The following CMTM8 variants were observed in gnomAD, a reference collection of about 807,000 sequenced individuals.
The protein encoded by CMTM8 is CKLF like MARVEL transmembrane domain containing 8.
In CMTM8, 12 loss-of-function variants were observed where a neutral mutation model predicts 18.6. The observed-to-expected ratio is 0.65, with a 90% CI of 0.41 to 1.05. CMTM8 has a LOEUF of 1.05. CMTM8 is among the 50% of genes least tolerant of loss of function. The probability of loss-of-function intolerance (pLI) is 0.00; values close to 1 mark genes in which losing one functional copy is unlikely to be tolerated. For synonymous variants in CMTM8, 87 were observed against 90.6 expected (o/e 0.96, Z 0.23); for missense variants, 217 against 227.2 (o/e 0.95, Z 0.29).
chr3:32,353,304 T>C (rs1213600525), intron 1 of CMTM8, among the ~76,000 whole-genome samples: 3 of 152,200 alleles, frequency 2.0e-5, no homozygotes, highest in Admixed American at 2.0e-4. Context: ...AGTAAATTAG[T>C]ACAAGCTTTT....
intron 1 of CMTM8, 148 bp from the exon 2 acceptor site, chr3:32,357,225 C>T (rs1261589203): frequency 3.7e-5 from 26 of 707,816 alleles, no homozygotes; most frequent in South Asian, 4.0e-5. Context: ...GCCTGGGCGA[C>T]GGGAGCGAGA....
intron 1 of CMTM8, among the ~76,000 whole-genome samples, chr3:32,281,947 T>G (rs1702615826): frequency 6.6e-6 from 1 of 152,148 alleles, no homozygotes; most frequent in Non-Finnish European, 1.5e-5. Context: ...TCCCCAACTG[T>G]AAATACAAGA....
intron 1 of CMTM8, among the ~76,000 whole-genome samples, chr3:32,341,876 A>G (rs1213681981): frequency 6.6e-6 from 1 of 151,634 alleles, no homozygotes; most frequent in Non-Finnish European, 1.5e-5. Flanking sequence ...CTCTGTCTCA[A>G]AAAAAATAAA....
intron 1 of CMTM8, among the ~76,000 whole-genome samples, chr3:32,305,593 C>G (rs1048050644): frequency 6.6e-6 from 1 of 152,160 alleles, no homozygotes; most frequent in Non-Finnish European, 1.5e-5. Flanking sequence ...TATTCATCTA[C>G]GAGCCTTAAT....
intron 1 of CMTM8, among the ~76,000 whole-genome samples, chr3:32,249,657 T>G (rs2125530469): frequency 6.6e-6 from 1 of 152,336 alleles, no homozygotes; most frequent in South Asian, 2.1e-4. Context: ...CTTCATGTGC[T>G]TAGTGGTCAT....
chr3:32,258,645 G>T (rs1702207237), intron 1 of CMTM8, among the ~76,000 whole-genome samples: 1 of 152,220 alleles, frequency 6.6e-6, no homozygotes, highest in East Asian at 1.9e-4. Context: ...GAGTAGCTGG[G>T]ACTACAGGCA....
intron 1 of CMTM8, among the ~76,000 whole-genome samples, chr3:32,338,069 C>T (rs766400746): frequency 3.3e-5 from 5 of 151,158 alleles, no homozygotes; most frequent in Non-Finnish European, 5.9e-5. Flanking sequence ...CTGCAACCTC[C>T]GCCTCCCAGG....
upstream of CMTM8, chr3:32,238,614 C>A (rs1256581816): frequency 6.0e-6 from 1 of 167,090 alleles, no homozygotes; most frequent in African/African-American, 2.4e-5. Context: ...GCGGCGCCTC[C>A]GCGGGGCGGT....
At chr3:32,327,767 C>T (rs907352001) in intron 1 of CMTM8, among the ~76,000 whole-genome samples, 4 of 152,194 alleles carry the variant, frequency 2.6e-5, no homozygotes, top group African/African-American at 9.7e-5. Context: ...TGCCTGCACC[C>T]TCTTCAGTAT....
chr3:32,273,837 T>C (rs1702477643), intron 1 of CMTM8, among the ~76,000 whole-genome samples: 1 of 152,162 alleles, frequency 6.6e-6, no homozygotes, highest in Non-Finnish European at 1.5e-5. Flanking sequence ...AATTTTATGA[T>C]GTATGCATTA....
Position 32,370,158 on chromosome 3 carries a change from A to G in CMTM8, c.*191A>G. 1 of 341,354 alleles carries G rather than the reference A, an allele frequency of 2.9e-6. No individual in the cohort carries two copies. The highest frequency in any genetic ancestry group is 5.4e-6 in the Non-Finnish European group (1 of 184,496). 21.1% of individuals were successfully genotyped at this position (341,354 alleles called of 1,614,324 possible). Reference sequence around the variant, plus strand: ...TATTTGCAAAGTGTTGTAGCTTATAATGAACTCTTAAGTATCTTATTAATG... The same window carrying G: ...TATTTGCAAAGTGTTGTAGCTTATAGTGAACTCTTAAGTATCTTATTAATG... On this transcript the variant is annotated 3_prime_UTR_variant, in exon 4 of 4. Transcript: ENST00000307526.
chr3:32,368,093 A>G, intron 3 of CMTM8, 105 bp downstream of exon 3: 1 of 789,512 alleles, frequency 1.3e-6, no homozygotes. Context: ...CGCTTGCAGT[A>G]GTGACAAATT....
intron 1 of CMTM8, among the ~76,000 whole-genome samples, chr3:32,245,040 T>G (rs1701991950): frequency 6.6e-6 from 1 of 152,242 alleles, no homozygotes; most frequent in Non-Finnish European, 1.5e-5. Context: ...TGTTCATGTT[T>G]TAATATCTGA....
intron 1 of CMTM8, among the ~76,000 whole-genome samples, chr3:32,308,795 A>G (rs1201689110): frequency 1.1e-4 from 17 of 152,252 alleles, no homozygotes; most frequent in Admixed American, 1.1e-3. Context: ...TATATTATCC[A>G]TTAGATCCTA....
chr3:32,261,499 A>G (rs909006474), intron 1 of CMTM8, among the ~76,000 whole-genome samples: 2 of 152,228 alleles, frequency 1.3e-5, no homozygotes, highest in Non-Finnish European at 2.9e-5. Context: ...TATTCACCCC[A>G]TAGAGAGGGT....
intron 1 of CMTM8, among the ~76,000 whole-genome samples, chr3:32,239,790 GAA>G (rs1207253252): frequency 1.3e-5 from 2 of 152,190 alleles, no homozygotes; most frequent in Non-Finnish European, 2.9e-5. Context: ...TCATAGCTGA[GAA>G]AGGACTGGAG....
At chr3:32,360,473 G>A (rs7617800) in intron 2 of CMTM8, among the ~76,000 whole-genome samples, 139,302 of 152,308 alleles carry the variant, frequency 0.91, 64,254 homozygotes, top group South Asian at 0.97. Context: ...TGTGAGTTGG[G>A]TACATGGTGT....
rs1217615223 is a variant in CMTM8, at chr3:32,358,066, A to G, written c.321+520A>G. On this transcript the variant is annotated intron_variant, in intron 2 of 3. Transcript: ENST00000307526. The surrounding 1 kb of genome is among the most constrained non-coding windows in gnomAD (Gnocchi z 4.1). ...TATTTGAAAAGGAGAATTGTCAGGAATGACTGGATTCTCATCCTGGCTCTG... is the reference window on the plus strand; with the variant it reads ...TATTTGAAAAGGAGAATTGTCAGGAGTGACTGGATTCTCATCCTGGCTCTG... Among the ~76,000 whole-genome samples, 1 of 152,224 alleles carries G rather than the reference A, an allele frequency of 6.6e-6. No individual in the cohort carries two copies. The highest frequency in any genetic ancestry group is 1.9e-4 in the East Asian group (1 of 5,198).
At chr3:32,368,090 A>C (rs1217534010) in intron 3 of CMTM8, 102 bp downstream of exon 3, 1 of 800,158 alleles carries the variant, frequency 1.2e-6, no homozygotes, top group Non-Finnish European at 2.1e-6. Context: ...CAGCGCTTGC[A>C]GTAGTGACAA....
Sources: gnomAD v4.1 joint callset for allele counts (sites outside exome capture counted in the v4.1 genomes callset) on GRCh38, gnomAD v4.1.1 for gene constraint, Gnocchi (gnomAD v3.1) non-coding constraint, MANE v1.5 for transcripts, NCBI Gene and HGNC (gene_info 2026-07-23, HGNC 2026-07-21) for gene names.